The following SH3KBP1 variants were observed in gnomAD, a reference collection of about 807,000 sequenced individuals.
SH3KBP1 encodes the protein SH3 domain-containing kinase-binding protein 1.
A neutral mutation model predicts 50.1 loss-of-function variants in SH3KBP1; 8 were observed. The ratio of observed to expected loss-of-function variants is 0.16; its 90% CI spans 0.09 to 0.29. SH3KBP1 has a LOEUF of 0.29. SH3KBP1 is among the 10% of genes least tolerant of loss of function. The pLI is 1.00. For synonymous variants in SH3KBP1, 227 were observed against 218.6 expected, an observed-to-expected ratio of 1.04 and a Z score of -0.34; for missense variants, 377 against 535.2, an observed-to-expected ratio of 0.70 and a Z score of 2.92.
At chrX:19,575,370 A>C (rs2066166903) in intron 12 of SH3KBP1, among the ~76,000 whole-genome samples, 1 of 111,626 alleles carries the variant, frequency 9.0e-6, no homozygotes, top group Non-Finnish European at 1.9e-5. Flanking sequence ...AGAGTGTTTT[A>C]CATCTCTGGG....
chrX:19,548,373 G>T (rs1404156780), intron 14 of SH3KBP1, among the ~76,000 whole-genome samples: 1 of 111,460 alleles, frequency 9.0e-6, no homozygotes. Context: ...GAAGATAGAG[G>T]AGGTAGGATT....
chrX:19,770,870 C>A (rs1167416802), intron 2 of SH3KBP1, among the ~76,000 whole-genome samples: 1 of 111,049 alleles, frequency 9.0e-6, no homozygotes, highest in Non-Finnish European at 1.9e-5. Context: ...CTGTTCATGT[C>A]CTTTGCCCAC....
At chrX:19,634,033 T>G (rs1428106055) in intron 7 of SH3KBP1, among the ~76,000 whole-genome samples, 5 of 5,241 alleles carry the variant, frequency 9.5e-4, no homozygotes, top group African/African-American at 2.2e-3. Context: ...TGTTCCCTGG[T>G]GTGTGTGTGT....
intron 9 of SH3KBP1, among the ~76,000 whole-genome samples, chrX:19,602,344 G>A (rs748485876): frequency 8.9e-6 from 1 of 111,820 alleles, no homozygotes; most frequent in Non-Finnish European, 1.9e-5. Flanking sequence ...ATGCTGTAAG[G>A]CCCCATGAAG....
At chrX:19,590,202 C>A (rs1294604207) in intron 11 of SH3KBP1, among the ~76,000 whole-genome samples, 1 of 111,988 alleles carries the variant, frequency 8.9e-6, no homozygotes, top group African/African-American at 3.2e-5. Context: ...GCTGGCAACT[C>A]ATTTTATGGC....
At chrX:19,593,927 C>T (rs190748929) in intron 10 of SH3KBP1, among the ~76,000 whole-genome samples, 5 of 111,973 alleles carry the variant, frequency 4.5e-5, no homozygotes, top group South Asian at 3.7e-4. Context: ...AGGATGGGGG[C>T]GGAGCAAAAG....
intron 6 of SH3KBP1, among the ~76,000 whole-genome samples, chrX:19,661,907 G>GT (rs2062468802): frequency 9.0e-6 from 1 of 111,552 alleles, no homozygotes; most frequent in African/African-American, 3.3e-5. Flanking sequence ...GATTACAGGT[G>GT]TGAGCCACTG....
At chrX:19,609,978 T>C (rs1305011757) in intron 8 of SH3KBP1, among the ~76,000 whole-genome samples, 1 of 111,447 alleles carries the variant, frequency 9.0e-6, no homozygotes, top group Admixed American at 9.5e-5. Context: ...ATCACCACCT[T>C]CCACTGCCCC....
chrX:19,836,753 C>T (rs2068068619), intron 1 of SH3KBP1, among the ~76,000 whole-genome samples: 1 of 111,862 alleles, frequency 8.9e-6, no homozygotes, highest in East Asian at 2.8e-4. Context: ...GCTGTGTCCC[C>T]ACCCAAATCT....
At chrX:19,601,869 C>T (rs1003274805) in intron 9 of SH3KBP1, among the ~76,000 whole-genome samples, 2 of 111,366 alleles carry the variant, frequency 1.8e-5, no homozygotes, top group Non-Finnish European at 3.8e-5. Flanking sequence ...CCCTGTCACC[C>T]GCACTGGAGA....
At chrX:19,660,675 AT>A (rs755302172) in intron 6 of SH3KBP1, among the ~76,000 whole-genome samples, 7 of 112,015 alleles carry the variant, frequency 6.2e-5, no homozygotes, top group Non-Finnish European at 1.3e-4. Flanking sequence ...ATCCAAACTT[AT>A]CTACTGTCAA....
chrX:19,633,468 T>G (rs886693950), intron 7 of SH3KBP1, among the ~76,000 whole-genome samples: 6 of 111,907 alleles, frequency 5.4e-5, no homozygotes, highest in Admixed American at 3.8e-4. Context: ...TCTGAATTGG[T>G]CAAATGTTCT....
At chrX:19,744,111 G>A (rs2064848969) in intron 3 of SH3KBP1, among the ~76,000 whole-genome samples, 1 of 112,009 alleles carries the variant, frequency 8.9e-6, no homozygotes, top group Non-Finnish European at 1.9e-5. Context: ...CCGAAAGGTT[G>A]CTGGAGACAA....
intron 2 of SH3KBP1, among the ~76,000 whole-genome samples, chrX:19,795,403 C>T (rs182164758): frequency 2.7e-5 from 3 of 111,559 alleles, no homozygotes; most frequent in African/African-American, 6.5e-5. Context: ...CTCCTTTTGC[C>T]GCCCTCCATT....
At chrX:19,872,419 T>C (rs2069074496) in intron 1 of SH3KBP1, among the ~76,000 whole-genome samples, 2 of 109,837 alleles carry the variant, frequency 1.8e-5, no homozygotes, top group Admixed American at 2.0e-4. Context: ...CCCACAGTGG[T>C]GCAGTGAAAT....
At chrX:19,540,920 C>A (rs1183718249) in intron 16 of SH3KBP1, among the ~76,000 whole-genome samples, 2 of 103,952 alleles carry the variant, frequency 1.9e-5, no homozygotes, top group Non-Finnish European at 4.0e-5. Flanking sequence ...TGCCTCCCTA[C>A]TTTTTTTTTT....
chrX:19,821,994 T>C (rs1017979730), intron 2 of SH3KBP1, among the ~76,000 whole-genome samples: 1 of 112,590 alleles, frequency 8.9e-6, no homozygotes, highest in Non-Finnish European at 1.9e-5. Flanking sequence ...CCCATGAAAA[T>C]GTTGTACACT....
At chrX:19,769,904 G>A (rs747498715) in intron 2 of SH3KBP1, among the ~76,000 whole-genome samples, 32 of 111,348 alleles carry the variant, frequency 2.9e-4, no homozygotes, top group Non-Finnish European at 5.1e-4. Context: ...CTCCTTTTGT[G>A]TCACAGCTGA....
intron 3 of SH3KBP1, among the ~76,000 whole-genome samples, chrX:19,739,341 A>C (rs1300880206): frequency 8.9e-6 from 1 of 112,445 alleles, no homozygotes; most frequent in Non-Finnish European, 1.9e-5. Context: ...CCAAAAAGTT[A>C]GTTGGCTTTT....
Sources: gnomAD v4.1 joint callset for allele counts (sites outside exome capture counted in the v4.1 genomes callset) on GRCh38, gnomAD v4.1.1 for gene constraint, MANE v1.5 for transcripts, NCBI Gene and HGNC (gene_info 2026-07-23, HGNC 2026-07-21) for gene names.